The following MRPL3 variants were observed in gnomAD, a reference collection of about 807,000 sequenced individuals.
MRPL3 encodes the protein mitochondrial ribosomal protein L3.
A neutral mutation model predicts 44.3 loss-of-function variants in MRPL3; 43 were observed. The ratio of observed to expected loss-of-function variants is 0.97; its 90% CI spans 0.76 to 1.25. The LOEUF (loss-of-function observed/expected upper bound fraction) is 1.25. Among genes scored for constraint, MRPL3 ranks in the 50% most tolerant of loss-of-function variants. The pLI, the probability that MRPL3 is intolerant of heterozygous loss-of-function variation, is 0.00. For synonymous variants in MRPL3, 171 were observed against 152.3 expected (o/e 1.12, Z -0.91); for missense variants, 406 against 427.6 (o/e 0.95, Z 0.45).
chr3:131,480,841 G>A (rs181839145), intron 6 of MRPL3, among the ~76,000 whole-genome samples: 1 of 152,316 alleles, frequency 6.6e-6, no homozygotes, highest in East Asian at 1.9e-4. Flanking sequence ...ATAAGGGTGA[G>A]TTATGCCACT....
rs143317681 is a variant in MRPL3, at chr3:131,490,037, G to C, written c.512C>G (p.Pro171Arg). Residue 171 changes from proline (P) to arginine (R), a missense_variant, in exon 5 of 10, where the codon CCG becomes CGG. By Grantham distance (103) the Pro-to-Arg change is moderately radical (BLOSUM62 -2). Coordinates refer to ENST00000264995, the MANE Select transcript of MRPL3 (RefSeq NM_007208.4). ...AAAGATTTTAACTGTCTGTTTCGGC[G>C]GCAATCCAAGTTCCCGGTAAAATTC... The part of the protein sequence containing the change: ...ILEFYRELGL[P>R]PKQTVKIFNI... 2 of 1,611,710 alleles carry C rather than the reference G, an allele frequency of 1.2e-6. No homozygotes were observed. Among genetic ancestry groups the C allele is most frequent in the African/African-American group, 1.3e-5 (1 of 74,908 alleles).
At chr3:131,463,739 GA>G (rs1416151315) in intron 9 of MRPL3, among the ~76,000 whole-genome samples, 1 of 152,050 alleles carries the variant, frequency 6.6e-6, no homozygotes, top group African/African-American at 2.4e-5. Context: ...ACAGACTGAA[GA>G]ATTTTAATAT....
Position 131,502,848 on chromosome 3 carries a change from C to T in MRPL3, c.-27G>A, listed in dbSNP as rs1273556858. 1.2e-6 allele frequency: 2 copies of T among 1,603,686 alleles called. No individual in the cohort carries two copies. The highest frequency in any genetic ancestry group is 1.7e-6 in the Non-Finnish European group (2 of 1,174,734). ...GATTAGCCCGGGAAGACTCGACTCA[C>T]GACTTCCGGGCGCCCTGCCGCTCTG... On this transcript the variant is annotated 5_prime_UTR_variant, in exon 1 of 10. It adds an upstream start codon to the 5' untranslated region. Coordinates refer to ENST00000264995, the MANE Select transcript of MRPL3 (RefSeq NM_007208.4).
At chr3:131,474,155 C>T (rs1387071439) in intron 6 of MRPL3, among the ~76,000 whole-genome samples, 1 of 152,064 alleles carries the variant, frequency 6.6e-6, no homozygotes, top group African/African-American at 2.4e-5. Flanking sequence ...ACCTAAGTGT[C>T]CAATAACAGA....
intron 6 of MRPL3, among the ~76,000 whole-genome samples, chr3:131,484,912 C>T (rs955525984): frequency 8.5e-5 from 13 of 152,078 alleles, no homozygotes; most frequent in African/African-American, 2.9e-4. Context: ...CACACACATG[C>T]GAGGAAAACC....
chr3:131,483,559 A>T (rs1934043487), intron 6 of MRPL3, among the ~76,000 whole-genome samples: 1 of 152,202 alleles, frequency 6.6e-6, no homozygotes, highest in African/African-American at 2.4e-5. Flanking sequence ...ACACTGGTAA[A>T]TTTACCTATT....
At chr3:131,487,928 G>C (rs1055176672) in intron 5 of MRPL3, among the ~76,000 whole-genome samples, 188 bp from the exon 6 acceptor site, 1 of 152,118 alleles carries the variant, frequency 6.6e-6, no homozygotes. Context: ...ACTTCACAGA[G>C]ACCAAAAGTG....
intron 6 of MRPL3, among the ~76,000 whole-genome samples, chr3:131,477,610 A>C (rs1933882906): frequency 6.6e-6 from 1 of 152,080 alleles, no homozygotes; most frequent in South Asian, 2.1e-4. Flanking sequence ...CTCAAGGCCT[A>C]TTTATTTTTT....
intron 7 of MRPL3, among the ~76,000 whole-genome samples, chr3:131,470,740 G>A (rs543641110): frequency 6.6e-6 from 1 of 152,004 alleles, no homozygotes; most frequent in South Asian, 2.1e-4. Flanking sequence ...AACACTATAG[G>A]GTTCATTTTA....
At chr3:131,469,559 A>AC (rs1933697019) in intron 8 of MRPL3, 137 bp downstream of exon 8, 2 of 557,886 alleles carry the variant, frequency 3.6e-6, no homozygotes, top group South Asian at 4.7e-5. Context: ...CACACACACA[A>AC]TTCATGTATC....
At chr3:131,489,015 C>T (rs1190045735) in intron 5 of MRPL3, among the ~76,000 whole-genome samples, 1 of 151,828 alleles carries the variant, frequency 6.6e-6, no homozygotes, top group Non-Finnish European at 1.5e-5. Context: ...ATTTGAGCTA[C>T]AGCAAAAGTT....
At chr3:131,473,146 A>G (rs573349369) in intron 6 of MRPL3, among the ~76,000 whole-genome samples, 2 of 152,188 alleles carry the variant, frequency 1.3e-5, no homozygotes, top group African/African-American at 4.8e-5. Flanking sequence ...ACATCATACT[A>G]CTTGACTTCA....
Position 131,465,604 on chromosome 3 carries a change from G to T in MRPL3, c.894+2487C>A, listed in dbSNP as rs147040633. ...CATTTAAAAATTAATCTGGTGTCCAGTATACTTTTATTATAAAAAATAATC... is the reference window on the plus strand; with the variant it reads ...CATTTAAAAATTAATCTGGTGTCCATTATACTTTTATTATAAAAAATAATC... On this transcript the variant is annotated intron_variant, in intron 9 of 9. Coordinates refer to ENST00000264995, the MANE Select transcript of MRPL3 (RefSeq NM_007208.4). Among the ~76,000 whole-genome samples, 226 of 152,200 alleles carry T rather than the reference G, an allele frequency of 1.5e-3. 1 individual carries two copies. Among genetic ancestry groups the T allele is most frequent in the African/African-American group, 5.1e-3 (210 of 41,516 alleles).
chr3:131,502,700 T>G, intron 1 of MRPL3, 30 bp downstream of exon 1: 2 of 1,578,794 alleles, frequency 1.3e-6, no homozygotes. Context: ...GACGCAACTG[T>G]GCAGGTAGGA....
intron 8 of MRPL3, among the ~76,000 whole-genome samples, chr3:131,469,343 T>C (rs981429183): frequency 6.6e-6 from 1 of 152,012 alleles, no homozygotes; most frequent in Non-Finnish European, 1.5e-5. Context: ...AGAGAGCTTT[T>C]GTTAAATCTT....
intron 6 of MRPL3, among the ~76,000 whole-genome samples, chr3:131,472,992 T>C (rs567788859): frequency 6.6e-6 from 1 of 152,114 alleles, no homozygotes; most frequent in Non-Finnish European, 1.5e-5. Context: ...CTATACAAAG[T>C]GGTCTACAGA....
At chr3:131,489,286 T>C (rs1275449813) in intron 5 of MRPL3, among the ~76,000 whole-genome samples, 2 of 152,128 alleles carry the variant, frequency 1.3e-5, no homozygotes, top group African/African-American at 4.8e-5. Flanking sequence ...CTTCAAAGAA[T>C]ACTTTTAATT....
At chr3:131,486,415 G>T (rs1582713165) in intron 6 of MRPL3, among the ~76,000 whole-genome samples, 1 of 120,322 alleles carries the variant, frequency 8.3e-6, no homozygotes, top group East Asian at 2.6e-4. Flanking sequence ...CCATCAGAAT[G>T]AATAGGCAAC....
chr3:131,484,561 A>G (rs1376482480), intron 6 of MRPL3, among the ~76,000 whole-genome samples: 1 of 152,188 alleles, frequency 6.6e-6, no homozygotes, highest in East Asian at 1.9e-4. Context: ...TAAGGAAAGT[A>G]GAGAGAGGAG....
Sources: gnomAD v4.1 joint callset for allele counts (sites outside exome capture counted in the v4.1 genomes callset) on GRCh38, gnomAD v4.1.1 for gene constraint, MANE v1.5 for transcripts, NCBI Gene and HGNC (gene_info 2026-07-23, HGNC 2026-07-21) for gene names.